The following NRXN3 variants were observed in gnomAD, a reference collection of about 807,000 sequenced individuals.
NRXN3 encodes the protein neurexin III.
A neutral mutation model predicts 137.6 loss-of-function variants in NRXN3; 32 were observed. The observed-to-expected ratio is 0.23, with a 90% confidence interval of 0.18 to 0.31. NRXN3 has a LOEUF of 0.31. Among genes scored for constraint, NRXN3 ranks in the 10% least tolerant of loss-of-function variants. The pLI is 1.00. For missense variants in NRXN3, 1,574 were observed against 2,062.5 expected, an observed-to-expected ratio of 0.76 and a Z score of 4.59; for synonymous variants, 798 against 784.5, an observed-to-expected ratio of 1.02 and a Z score of -0.29.
At chr14:79,519,159 G>A (rs1307959453) in intron 16 of NRXN3, among the ~76,000 whole-genome samples, 1 of 148,378 alleles carries the variant, frequency 6.7e-6, no homozygotes. Flanking sequence ...TTATTTTTAG[G>A]CAATTACACT....
chr14:79,001,559 C>T (rs1017339069), intron 15 of NRXN3, among the ~76,000 whole-genome samples: 2 of 152,200 alleles, frequency 1.3e-5, no homozygotes, highest in South Asian at 2.1e-4. Flanking sequence ...CCCTGGAAGG[C>T]GCTCTTCTCT....
intron 16 of NRXN3, among the ~76,000 whole-genome samples, chr14:79,542,295 C>A (rs1414790541): frequency 6.6e-6 from 1 of 152,058 alleles, no homozygotes; most frequent in Non-Finnish European, 1.5e-5. Context: ...TTTTTCAATA[C>A]CAAGTGATAA....
At chr14:78,558,969 G>A (rs1206777064) in intron 4 of NRXN3, among the ~76,000 whole-genome samples, 1 of 152,136 alleles carries the variant, frequency 6.6e-6, no homozygotes. Context: ...CACTGTATAT[G>A]AATTTGGCTC....
At chr14:79,095,002 G>GTGTGTGTGTGTA (rs1367372299) in intron 15 of NRXN3, among the ~76,000 whole-genome samples, 4 of 151,758 alleles carry the variant, frequency 2.6e-5, no homozygotes, top group African/African-American at 9.7e-5. Flanking sequence ...GTGTGTGTGT[G>GTGTGTGTGTGTA]TGTGTGTGAA....
intron 20 of NRXN3, among the ~76,000 whole-genome samples, chr14:79,859,933 A>G (rs2099410763): frequency 6.6e-6 from 1 of 152,308 alleles, no homozygotes; most frequent in African/African-American, 2.4e-5. Flanking sequence ...TGACTTCTTA[A>G]GATTCTTCCT....
chr14:78,923,398 GA>G (rs1448561167), intron 10 of NRXN3, among the ~76,000 whole-genome samples: 1 of 152,122 alleles, frequency 6.6e-6, no homozygotes, highest in Non-Finnish European at 1.5e-5. Flanking sequence ...GCATAGAAAT[GA>G]AAAAAGGAGG....
chr14:79,454,206 T>C (rs1215774476), intron 15 of NRXN3, among the ~76,000 whole-genome samples: 1 of 151,988 alleles, frequency 6.6e-6, no homozygotes, highest in Non-Finnish European at 1.5e-5. Context: ...GCCTCAACCT[T>C]CCAAGAAGCT....
intron 15 of NRXN3, among the ~76,000 whole-genome samples, chr14:79,139,859 A>G (rs1373684980): frequency 6.6e-6 from 1 of 151,544 alleles, no homozygotes; most frequent in East Asian, 1.9e-4. Flanking sequence ...TGCCAGGATC[A>G]CATGCTCAAA....
At chr14:79,064,618 G>A (rs1239648239) in intron 15 of NRXN3, among the ~76,000 whole-genome samples, 3 of 91,486 alleles carry the variant, frequency 3.3e-5, no homozygotes, top group Non-Finnish European at 5.1e-5. Flanking sequence ...TATAAAACAA[G>A]TTATATATGT....
chr14:79,520,038 A>C (rs940714036), intron 16 of NRXN3, among the ~76,000 whole-genome samples: 1 of 149,630 alleles, frequency 6.7e-6, no homozygotes, highest in Non-Finnish European at 1.5e-5. Flanking sequence ...ATAACTCTTA[A>C]GTTTTCTGTT....
chr14:79,061,623 G>A (rs972530750), intron 15 of NRXN3, among the ~76,000 whole-genome samples: 1 of 152,184 alleles, frequency 6.6e-6, no homozygotes, highest in Non-Finnish European at 1.5e-5. Context: ...GTGAAACAAT[G>A]AACTGGCATT....
At chr14:78,307,130 ATTTG>A (rs1188702830) in intron 4 of NRXN3, among the ~76,000 whole-genome samples, 1 of 151,866 alleles carries the variant, frequency 6.6e-6, no homozygotes, top group Admixed American at 6.6e-5. Flanking sequence ...CTTGTCATTT[ATTTG>A]TTTATTGGGG....
rs377665426 is a variant in NRXN3 at position 79,064,737 on chromosome 14, ATG to A, written c.3262+76598_3262+76599del. Among the ~76,000 whole-genome samples the A allele has an allele frequency of 3.0e-4, 19 of 64,260 alleles. 1 individual carries two copies. Among genetic ancestry groups the A allele is most frequent in the Middle Eastern group, 0.02 (2 of 102 alleles). The allele number at this position is 64,260 out of a possible 152,430, so 42.2% of individuals were successfully genotyped here. ...TTCATAATTACCCATATATATGTAT[ATG>A]TATATATATATATAATTACCCATAT... On this transcript the variant is annotated intron_variant, in intron 15 of 20. Coordinates refer to ENST00000335750, the MANE Select transcript of NRXN3 (RefSeq NM_001330195.2).
chr14:78,699,493 T>C (rs1238311862), intron 6 of NRXN3, among the ~76,000 whole-genome samples: 1 of 152,180 alleles, frequency 6.6e-6, no homozygotes, highest in Non-Finnish European at 1.5e-5. Context: ...TTCCCAGACA[T>C]GTTAATAGTG....
intron 2 of NRXN3, among the ~76,000 whole-genome samples, chr14:78,263,347 A>C (rs189217175): frequency 1.4e-4 from 21 of 152,278 alleles, no homozygotes; most frequent in African/African-American, 4.6e-4. Context: ...AAAAAATTGC[A>C]AATAGTAGCT....
chr14:78,659,762 A>G (rs1293621572), intron 6 of NRXN3, among the ~76,000 whole-genome samples: 1 of 151,968 alleles, frequency 6.6e-6, no homozygotes, highest in East Asian at 1.9e-4. Flanking sequence ...GGGTGATTCA[A>G]TTTCAGAAAG....
chr14:79,635,714 T>C (rs535288292), intron 16 of NRXN3, among the ~76,000 whole-genome samples: 1 of 152,320 alleles, frequency 6.6e-6, no homozygotes, highest in East Asian at 1.9e-4. Context: ...TCTGTTCTCA[T>C]GCTGCTTTGA....
At chr14:78,605,724 T>A (rs948419339) in intron 4 of NRXN3, among the ~76,000 whole-genome samples, 6 of 150,424 alleles carry the variant, frequency 4.0e-5, no homozygotes, top group Admixed American at 1.3e-4. Context: ...TTAAAAAAAA[T>A]AAAACAAAAA....
At chr14:79,158,371 A>C (rs2060451029) in intron 15 of NRXN3, among the ~76,000 whole-genome samples, 1 of 151,856 alleles carries the variant, frequency 6.6e-6, no homozygotes, top group Non-Finnish European at 1.5e-5. Flanking sequence ...ATGTGGTATC[A>C]ATTTAGGGCA....
Sources: allele counts gnomAD v4.1 joint callset (sites outside exome capture counted in the v4.1 genomes callset), GRCh38; gene constraint gnomAD v4.1.1; transcripts MANE v1.5; gene names NCBI Gene and HGNC (gene_info 2026-07-23, HGNC 2026-07-21).